ABCC12: variants seen among roughly 807,000 people sequenced by gnomAD.
ABCC12 encodes the protein ATP-binding cassette sub-family C member 12.
ABCC12 carries 142 observed loss-of-function variants against 151.1 expected under a neutral mutation model. That is an observed-to-expected ratio of 0.94 (90% CI 0.82 to 1.08). The LOEUF (loss-of-function observed/expected upper bound fraction) is 1.08, where lower values mean the gene tolerates loss of function less well. Among genes scored for constraint, ABCC12 ranks in the 50% least tolerant of loss-of-function variants. The probability of loss-of-function intolerance (pLI) is 0.00; values close to 1 mark genes in which losing one functional copy is unlikely to be tolerated. For synonymous variants in ABCC12, 645 were observed against 646.4 expected (o/e 1.00, Z 0.03); for missense variants, 1,638 against 1,691.1 (o/e 0.97, Z 0.55).
At chr16:48,134,236 C>G (rs879432278) in intron 8 of ABCC12, among the ~76,000 whole-genome samples, 4 of 152,208 alleles carry the variant, frequency 2.6e-5, no homozygotes, top group Non-Finnish European at 5.9e-5. Flanking sequence ...GCAGGGGAGG[C>G]TGGTGCTACC....
intron 15 of ABCC12, among the ~76,000 whole-genome samples, chr16:48,113,899 C>A (rs570034868): frequency 1.3e-5 from 2 of 152,260 alleles, no homozygotes; most frequent in South Asian, 2.1e-4. Context: ...ATGAGGCATC[C>A]CCCTCCAGAT....
Position 48,120,677 on chromosome 16 carries a change from TC to T in ABCC12, c.1712+1038del, listed in dbSNP as rs1328236044. Among the ~76,000 whole-genome samples the T allele has an allele frequency of 2.6e-5, 4 of 151,336 alleles. No homozygotes were observed. In the East Asian group the frequency reaches 7.8e-4, roughly 30 times the overall value. On this transcript the variant is annotated intron_variant, in intron 13 of 30. Coordinates refer to ENST00000311303, the MANE Select transcript of ABCC12 (RefSeq NM_001393797.1). Reference sequence around the variant, plus strand: ...TTCAAGCAATTCTCCTGCCTCAGCCTCCTGAGTAGCTGGGATTACAGGTGCC... The same window carrying T: ...TTCAAGCAATTCTCCTGCCTCAGCCTCTGAGTAGCTGGGATTACAGGTGCC...
chr16:48,118,902 G>T (rs1175640886), intron 13 of ABCC12, among the ~76,000 whole-genome samples: 1 of 152,212 alleles, frequency 6.6e-6, no homozygotes, highest in Non-Finnish European at 1.5e-5. Flanking sequence ...ATTCTCATTG[G>T]GTTGTTGTGA....
chr16:48,151,718 G>T (rs146279735), intron 2 of ABCC12, among the ~76,000 whole-genome samples: 1 of 152,252 alleles, frequency 6.6e-6, no homozygotes, highest in Non-Finnish European at 1.5e-5. Context: ...CAAGATGATG[G>T]TTACCTCTAG....
intron 8 of ABCC12, among the ~76,000 whole-genome samples, chr16:48,137,942 T>A (rs1484353524): frequency 1.3e-5 from 2 of 151,234 alleles, no homozygotes; most frequent in Non-Finnish European, 2.9e-5. Context: ...CTGCTCACAA[T>A]GTTTTTAGTG....
intron 2 of ABCC12, among the ~76,000 whole-genome samples, chr16:48,150,296 G>A (rs1244472570): frequency 6.6e-6 from 1 of 152,120 alleles, no homozygotes; most frequent in Non-Finnish European, 1.5e-5. Context: ...TATTTTTGTG[G>A]CCCCTCTACA....
intron 8 of ABCC12, among the ~76,000 whole-genome samples, chr16:48,134,362 A>G (rs1964535699): frequency 6.6e-6 from 1 of 152,246 alleles, no homozygotes; most frequent in African/African-American, 2.4e-5. Flanking sequence ...GCTAACCCCT[A>G]GAAGTAAATG....
Position 48,083,359 on chromosome 16 carries a change from T to G in ABCC12, c.*356A>C. On this transcript the variant is annotated 3_prime_UTR_variant, in exon 31 of 31. Transcript: ENST00000311303. ...CTCCATCCTAAGGCATTTTCCCATG[T>G]TGTTTATTGTGGCTGATTTCTAACT... is the stretch of plus-strand genomic sequence containing the variant. 2 of 215,390 alleles carry G rather than the reference T, an allele frequency of 9.3e-6. No homozygotes were observed. Among genetic ancestry groups the G allele is most frequent in the Non-Finnish European group, 1.8e-5 (2 of 111,412 alleles). The allele number at this position is 215,390 out of a possible 1,614,324, so 13.3% of individuals were successfully genotyped here.
At chr16:48,121,602 T>A in intron 13 of ABCC12, 114 bp downstream of exon 13, 1 of 1,353,422 alleles carries the variant, frequency 7.4e-7, no homozygotes. Flanking sequence ...GAATGTTTAA[T>A]CAGAATTCAT....
chr16:48,107,704 A>G (rs1226694152), intron 19 of ABCC12, among the ~76,000 whole-genome samples: 1 of 152,188 alleles, frequency 6.6e-6, no homozygotes, highest in Admixed American at 6.5e-5. Context: ...ATATTCTTTT[A>G]AAAGAAGCCA....
chr16:48,138,261 C>T lies in ABCC12; in HGVS notation c.946G>A (p.Ala316Thr). ...GTGTTGGTAAAAGATTTCTCCCAGG[C>T]ATACATTTTGATCAGCCTGATGCAG... is the stretch of plus-strand genomic sequence containing the variant. The part of the protein sequence containing the change: ...LTCIRLIKMY[A>T]WEKSFTNTIQ... The change falls in exon 8 of 31, where the codon GCC becomes ACC. Residue 316 changes from alanine (A) to threonine (T), a missense_variant. Ala to Thr is a moderately conservative substitution (Grantham distance 58, BLOSUM62 0). Coordinates refer to ENST00000311303, the MANE Select transcript of ABCC12 (RefSeq NM_001393797.1). The T allele has an allele frequency of 5.0e-6, 8 of 1,611,878 alleles. No individual in the cohort carries two copies. Among genetic ancestry groups the T allele is most frequent in the Non-Finnish European group, 6.8e-6 (8 of 1,178,236 alleles).
At chr16:48,152,484 G>A (rs749264075) in intron 2 of ABCC12, among the ~76,000 whole-genome samples, 9 of 152,188 alleles carry the variant, frequency 5.9e-5, no homozygotes, top group African/African-American at 2.2e-4. Flanking sequence ...CCCAGTGGCC[G>A]CTGGGCCACT....
At chr16:48,113,216 T>C (rs1041595905) in intron 15 of ABCC12, among the ~76,000 whole-genome samples, 1 of 152,106 alleles carries the variant, frequency 6.6e-6, no homozygotes, top group Non-Finnish European at 1.5e-5. Flanking sequence ...GTTGGGAGGG[T>C]GCCCAAAGGC....
At chr16:48,106,302 A>G (rs1174266596) in intron 20 of ABCC12, among the ~76,000 whole-genome samples, 5 of 152,070 alleles carry the variant, frequency 3.3e-5, no homozygotes, top group African/African-American at 1.2e-4. Context: ...ACATGGTTCA[A>G]CCACCGTGGC....
chr16:48,128,675 G>A lies in ABCC12; in HGVS notation c.1299C>T (p.Val433=). The change falls in exon 11 of 31, where the codon GTC becomes GTT. Residue 433 remains valine, a synonymous_variant. Coordinates refer to ENST00000311303, the MANE Select transcript of ABCC12 (RefSeq NM_001393797.1). ...YITQPEDPDT[V]LLLANATLTW... is the part of the protein sequence containing the mutation. ...TCAAGGTGGCATTTGCTAAAAGCAA[G>A]ACAGTATCTGGGTCTTCTGGTTGGG... 5.0e-6 allele frequency: 8 copies of A among 1,614,190 alleles called. No individual in the cohort carries two copies. The highest frequency in any genetic ancestry group is 6.8e-6 in the Non-Finnish European group (8 of 1,180,032).
At chr16:48,086,687 C>G (rs1962618743) in intron 28 of ABCC12, 54 bp downstream of exon 28, 4 of 1,496,272 alleles carry the variant, frequency 2.7e-6, no homozygotes, top group Admixed American at 3.3e-5. Context: ...GGCCAGGAAT[C>G]TAGGGCAGTG....
At chr16:48,103,236 C>G (rs1963367768) in intron 22 of ABCC12, among the ~76,000 whole-genome samples, 1 of 151,614 alleles carries the variant, frequency 6.6e-6, no homozygotes, top group African/African-American at 2.4e-5. Context: ...GAGCATAATC[C>G]TGTGCACAGG....
intron 13 of ABCC12, among the ~76,000 whole-genome samples, chr16:48,119,075 C>T (rs1963983571): frequency 6.6e-6 from 1 of 152,210 alleles, no homozygotes; most frequent in Admixed American, 6.5e-5. Flanking sequence ...AATTTCCTCC[C>T]ACCCTCCTGC....
rs888229954 is a variant in ABCC12, at chr16:48,082,479, C to T, written c.*1236G>A. Among the ~76,000 whole-genome samples, 3 of 152,230 alleles carry T rather than the reference C, an allele frequency of 2.0e-5. No individual in the cohort carries two copies. Among genetic ancestry groups the T allele is most frequent in the Non-Finnish European group, 4.4e-5 (3 of 68,044 alleles). On this transcript the variant is annotated 3_prime_UTR_variant, in exon 31 of 31. Transcript: ENST00000311303. ...ACACCTGGGAGGGGTGTCCGCCAGGCTCCACAGCTGTGTTTCAGCGAGTTC... is the reference window on the plus strand; with the variant it reads ...ACACCTGGGAGGGGTGTCCGCCAGGTTCCACAGCTGTGTTTCAGCGAGTTC...
Sources: gnomAD v4.1 joint callset for allele counts (sites outside exome capture counted in the v4.1 genomes callset) on GRCh38, gnomAD v4.1.1 for gene constraint, MANE v1.5 for transcripts, NCBI Gene and HGNC (gene_info 2026-07-23, HGNC 2026-07-21) for gene names.